FARP1: variants seen among roughly 807,000 people sequenced by gnomAD.
FARP1 encodes FERM, ARHGEF and pleckstrin domain-containing protein 1.
A neutral mutation model predicts 128.8 loss-of-function variants in FARP1; 52 were observed. That is an observed-to-expected ratio of 0.40 (90% confidence interval 0.32 to 0.51). The LOEUF (loss-of-function observed/expected upper bound fraction) is 0.51. Among genes scored for constraint, FARP1 ranks in the 20% least tolerant of loss-of-function variants. The probability of loss-of-function intolerance (pLI) is 0.45; values close to 1 mark genes in which losing one functional copy is unlikely to be tolerated. For synonymous variants in FARP1, 580 were observed against 551.8 expected (o/e 1.05, Z -0.72); for missense variants, 1,333 against 1,367.9 (o/e 0.97, Z 0.40).
chr13:98,363,885 G>C (rs2139959270), intron 3 of FARP1, among the ~76,000 whole-genome samples: 1 of 152,198 alleles, frequency 6.6e-6, no homozygotes, highest in East Asian at 1.9e-4. Flanking sequence ...GGGATTACAG[G>C]TGCCCGCCAC....
chr13:98,304,345 T>G (rs9556929), intron 2 of FARP1, among the ~76,000 whole-genome samples: 79,232 of 152,084 alleles, frequency 0.52, 21,277 homozygotes, highest in East Asian at 0.71. Flanking sequence ...ATCTAAGAAC[T>G]AGGTGGGAAG....
At chr13:98,391,693 G>A (rs1276708398) in intron 11 of FARP1, among the ~76,000 whole-genome samples, 1 of 152,198 alleles carries the variant, frequency 6.6e-6, no homozygotes, top group Non-Finnish European at 1.5e-5. Context: ...CCTCAGCTCT[G>A]TGAGGTCAGT....
At position 98,180,860 on chromosome 13, in the gene FARP1, T is replaced by C. The variant is rs147295867; in HGVS notation, c.-23-32360T>C. Among the ~76,000 whole-genome samples, 287 of 152,322 alleles carry C rather than the reference T, an allele frequency of 1.9e-3. 1 individual carries two copies. Among genetic ancestry groups the C allele is most frequent in the African/African-American group, 6.7e-3 (280 of 41,562 alleles). On this transcript the variant is annotated intron_variant, in intron 1 of 26. Transcript: ENST00000319562. ...TTGATAAGTATTTTCCCCTGTTCCTTAGTATTTCTCCATAATGTGCATTTT... is the reference window on the plus strand; with the variant it reads ...TTGATAAGTATTTTCCCCTGTTCCTCAGTATTTCTCCATAATGTGCATTTT...
intron 3 of FARP1, among the ~76,000 whole-genome samples, chr13:98,348,633 T>C: frequency 6.6e-6 from 1 of 152,280 alleles, no homozygotes; most frequent in Non-Finnish European, 1.5e-5. Flanking sequence ...GAAGCATCCG[T>C]AGACGATGTG....
At chr13:98,239,990 T>C (rs1205015694) in intron 2 of FARP1, among the ~76,000 whole-genome samples, 1 of 151,996 alleles carries the variant, frequency 6.6e-6, no homozygotes, top group East Asian at 1.9e-4. Flanking sequence ...GAGAGTGAAG[T>C]GAGCAGGTGA....
At chr13:98,274,335 C>A (rs1884536320) in intron 2 of FARP1, among the ~76,000 whole-genome samples, 1 of 152,098 alleles carries the variant, frequency 6.6e-6, no homozygotes, top group South Asian at 2.1e-4. Context: ...GCGTGGGGCT[C>A]CTCCGGTTTC....
chr13:98,365,869 A>C (rs1338167589), intron 4 of FARP1, among the ~76,000 whole-genome samples: 1 of 146,102 alleles, frequency 6.8e-6, no homozygotes, highest in Non-Finnish European at 1.5e-5. Context: ...AGAGTGGCCG[A>C]AAGTGTGAGT....
chr13:98,325,214 G>C (rs189836167), intron 2 of FARP1, among the ~76,000 whole-genome samples: 9 of 152,222 alleles, frequency 5.9e-5, no homozygotes, highest in Admixed American at 1.3e-4. Context: ...TGTTTCAACA[G>C]CCTATCTTTC....
intron 24 of FARP1, among the ~76,000 whole-genome samples, chr13:98,444,184 C>T (rs1252913529): frequency 6.6e-6 from 1 of 152,138 alleles, no homozygotes; most frequent in African/African-American, 2.4e-5. Flanking sequence ...CCTGTATCTG[C>T]ACTCTAATAT....
At chr13:98,244,614 C>A (rs746661462) in intron 2 of FARP1, 32 of 1,614,104 alleles carry the variant, frequency 2.0e-5, no homozygotes, top group Non-Finnish European at 2.6e-5. Flanking sequence ...GGACAGAATT[C>A]TCACTCATCT....
At chr13:98,305,159 T>C (rs1464156332) in intron 2 of FARP1, among the ~76,000 whole-genome samples, 2 of 151,454 alleles carry the variant, frequency 1.3e-5, no homozygotes, top group Non-Finnish European at 2.9e-5. Context: ...TATTTATTTA[T>C]TTATTTTCCT....
At chr13:98,253,376 C>T (rs1274591841) in intron 2 of FARP1, among the ~76,000 whole-genome samples, 4 of 152,102 alleles carry the variant, frequency 2.6e-5, no homozygotes, top group African/African-American at 9.7e-5. Context: ...CTGATGCTCT[C>T]GCAGGAAATG....
At chr13:98,191,676 C>T (rs1879234009) in intron 1 of FARP1, among the ~76,000 whole-genome samples, 1 of 152,206 alleles carries the variant, frequency 6.6e-6, no homozygotes, top group African/African-American at 2.4e-5. Flanking sequence ...GGTACAGTGG[C>T]TCATGCCTGT....
intron 2 of FARP1, among the ~76,000 whole-genome samples, chr13:98,227,912 A>C (rs900248623): frequency 4.6e-5 from 7 of 152,252 alleles, no homozygotes; most frequent in African/African-American, 1.7e-4. Flanking sequence ...TATGGGGTAC[A>C]TAAATAGAAA....
chr13:98,448,671 A>T lies in FARP1; in HGVS notation c.*354A>T, dbSNP rs1296017837. 1 of 190,724 alleles carries T rather than the reference A, an allele frequency of 5.2e-6. No individual in the cohort carries two copies. The allele number at this position is 190,724 out of a possible 1,614,324, so 11.8% of individuals were successfully genotyped here. A position where few individuals can be genotyped will look rare whatever the true frequency, so the allele number is the denominator to read the frequency against. On this transcript the variant is annotated 3_prime_UTR_variant, in exon 27 of 27. Transcript: ENST00000319562. ...AGACAGGGCAAGTGTTTTTCTTCCT[A>T]AAAAAAGTTCTTTCTTTTATTATTT...
chr13:98,239,368 T>C (rs1014651132), intron 2 of FARP1, among the ~76,000 whole-genome samples: 18 of 152,214 alleles, frequency 1.2e-4, no homozygotes, highest in African/African-American at 3.6e-4. Flanking sequence ...TGCCCCTTTA[T>C]TGCGTGCTTG....
At chr13:98,153,473 T>A (rs1876217867) in intron 1 of FARP1, among the ~76,000 whole-genome samples, 1 of 130,042 alleles carries the variant, frequency 7.7e-6, no homozygotes, top group Non-Finnish European at 1.7e-5. Context: ...TATATAAATA[T>A]GTATAATATA....
intron 3 of FARP1, among the ~76,000 whole-genome samples, chr13:98,350,997 G>T (rs532530025): frequency 7.5e-6 from 1 of 134,202 alleles, no homozygotes; most frequent in Non-Finnish European, 1.5e-5. Context: ...GCCCAGCCTC[G>T]CCTCCCCTGC....
At chr13:98,244,027 C>T (rs954865898) in intron 2 of FARP1, among the ~76,000 whole-genome samples, 2 of 151,930 alleles carry the variant, frequency 1.3e-5, no homozygotes, top group African/African-American at 4.8e-5. Context: ...CCTAAGCAAT[C>T]TCTTGAAAAG....
Sources: allele counts gnomAD v4.1 joint callset (sites outside exome capture counted in the v4.1 genomes callset), GRCh38; gene constraint gnomAD v4.1.1; transcripts MANE v1.5; gene names NCBI Gene and HGNC (gene_info 2026-07-23, HGNC 2026-07-21).